AKR1E2: variants seen among roughly 807,000 people sequenced by gnomAD.
AKR1E2 encodes 1,5-anhydro-D-fructose reductase.
A neutral mutation model predicts 41.9 loss-of-function variants in AKR1E2; 43 were observed. That is an observed-to-expected ratio of 1.03 (90% CI 0.80 to 1.32). AKR1E2 has a LOEUF of 1.32. Ranked by LOEUF, AKR1E2 falls within the 40% of genes most tolerant of loss-of-function variation. The pLI is 0.00. For synonymous variants in AKR1E2, 121 were observed against 138.9 expected (o/e 0.87, Z 0.91); for missense variants, 423 against 396.5 (o/e 1.07, Z -0.57).
chr10:4,835,618 G>GC, intron 3 of AKR1E2, 57 bp from the exon 4 acceptor site: 2 of 1,133,268 alleles, frequency 1.8e-6, no homozygotes, highest in Admixed American at 2.4e-5. Context: ...CTGACACATG[G>GC]TTTTTTTTGT....
chr10:4,843,017 A>G (rs1053526071), intron 8 of AKR1E2, among the ~76,000 whole-genome samples: 8 of 152,226 alleles, frequency 5.3e-5, no homozygotes, highest in African/African-American at 1.9e-4. Context: ...AGACTGGAAC[A>G]GGTGGAGCGT....
chr10:4,845,793 A>AG (rs373248445), intron 8 of AKR1E2: 23 of 471,048 alleles, frequency 4.9e-5, no homozygotes, highest in South Asian at 9.3e-5. Flanking sequence ...CTACACACTG[A>AG]GGGGAAATGC....
the AKR1E2 span, among the ~76,000 whole-genome samples, chr10:4,853,909 ACT>A: frequency 1.9e-3 from 282 of 152,108 alleles, 2 homozygotes; most frequent in Non-Finnish European, 3.6e-3. Flanking sequence ...TCAATGCTAC[ACT>A]CCCACCAGCG....
intron 1 of AKR1E2, among the ~76,000 whole-genome samples, chr10:4,826,946 C>T (rs1052492338): frequency 1.2e-4 from 18 of 151,670 alleles, no homozygotes; most frequent in Non-Finnish European, 2.2e-4. Flanking sequence ...CTTGGGGGTG[C>T]GCGCCTGTGG....
In AKR1E2 at chr10:4,835,742, AG is replaced by A. The variant is rs376175229; in HGVS notation, c.394del (p.Asp132ThrfsTer28). The A allele has an allele frequency of 3.4e-4, 544 of 1,614,208 alleles. 2 individuals are homozygous for A. The African/African-American group carries it at 6.4e-3, about 19-fold the overall frequency. ...LSFCLSHPRV[Q>X]DLPLDESNMV... The stretch of plus-strand genomic sequence containing the variant: ...TTCTGCCTCTCACATCCTCGAGTGC[AG>A]GACTTGCCTCTGGACGAGAGCAACA... On this transcript the variant is annotated frameshift_variant, in exon 4 of 10. Coordinates refer to ENST00000298375, the MANE Select transcript of AKR1E2 (RefSeq NM_001040177.3). LOFTEE classifies it high-confidence loss of function.
rs151134642 is a variant in AKR1E2, at chr10:4,842,531, C to T, written c.837+27C>T. 71 of 1,603,790 alleles carry T rather than the reference C, an allele frequency of 4.4e-5. 1 individual carries two copies. In the Middle Eastern group the frequency reaches 6.6e-4, roughly 15 times the overall value. The stretch of plus-strand genomic sequence containing the variant: ...TAGGTGTATTCCTTCTTTTATTTGG[C>T]GGGTTTCAGATCATGTGTTAGATGG... On this transcript the variant is annotated intron_variant, in intron 8 of 9. Transcript: ENST00000298375.
chr10:4,844,393 G>T (rs1588480089), intron 8 of AKR1E2, among the ~76,000 whole-genome samples: 1 of 152,226 alleles, frequency 6.6e-6, no homozygotes, highest in Non-Finnish European at 1.5e-5. Flanking sequence ...GCAGCAGCAA[G>T]ATCTATTGCA....
intron 8 of AKR1E2, chr10:4,846,242 A>C: frequency 2.1e-5 from 4 of 194,980 alleles, no homozygotes; most frequent in East Asian, 1.3e-4. Context: ...CATTGGAATC[A>C]CTCAGTGCAC....
chr10:4,832,597 C>T (rs1227995766), intron 2 of AKR1E2, among the ~76,000 whole-genome samples: 1 of 152,168 alleles, frequency 6.6e-6, no homozygotes, highest in African/African-American at 2.4e-5. Flanking sequence ...ATAAATAAAT[C>T]ACACATATAA....
At chr10:4,870,787 C>G in the AKR1E2 span, among the ~76,000 whole-genome samples, 1 of 151,908 alleles carries the variant, frequency 6.6e-6, no homozygotes. Flanking sequence ...TTGAAGATCA[C>G]TTATCTTCTT....
At chr10:4,868,187 C>T in the AKR1E2 span, among the ~76,000 whole-genome samples, 1 of 152,098 alleles carries the variant, frequency 6.6e-6, no homozygotes, top group Non-Finnish European at 1.5e-5. Flanking sequence ...CTTCTGGGTT[C>T]CTGTTGCTTA....
chr10:4,850,934 A>G (rs1055674225), downstream of AKR1E2, among the ~76,000 whole-genome samples: 2 of 152,190 alleles, frequency 1.3e-5, no homozygotes, highest in African/African-American at 4.8e-5. Context: ...TCACACAGAC[A>G]TCTAATATGC....
At chr10:4,864,398 C>A in the AKR1E2 span, among the ~76,000 whole-genome samples, 10 of 152,070 alleles carry the variant, frequency 6.6e-5, no homozygotes, top group African/African-American at 2.4e-4. Context: ...AGGCCTTTGA[C>A]AAAATTCAAC....
rs568619758 is a variant in AKR1E2 at position 4,827,225 on chromosome 10, C to T, written c.39+862C>T. ...CGCTCTGTGCATTTATGGGGTGCAGCGTAATGTTTTGAGCCGTGTATACAA... is the reference window on the plus strand; with the variant it reads ...CGCTCTGTGCATTTATGGGGTGCAGTGTAATGTTTTGAGCCGTGTATACAA... On this transcript the variant is annotated intron_variant, in intron 1 of 9. Coordinates refer to ENST00000298375, the MANE Select transcript of AKR1E2 (RefSeq NM_001040177.3). Among the ~76,000 whole-genome samples the T allele has an allele frequency of 7.2e-5, 11 of 152,178 alleles. No individual in the cohort carries two copies. The East Asian group carries it at 2.1e-3, about 29-fold the overall frequency.
chr10:4,833,840 T>C (rs1833179020), intron 3 of AKR1E2, among the ~76,000 whole-genome samples: 1 of 152,236 alleles, frequency 6.6e-6, no homozygotes, highest in African/African-American at 2.4e-5. Context: ...TTGCAGGTTC[T>C]GTTCTCTTTG....
chr10:4,860,456 C>A, the AKR1E2 span, among the ~76,000 whole-genome samples: 1 of 152,268 alleles, frequency 6.6e-6, no homozygotes, highest in Non-Finnish European at 1.5e-5. Context: ...CTCTGAGGAA[C>A]CTTTATGACC....
downstream of AKR1E2, among the ~76,000 whole-genome samples, chr10:4,849,310 T>C (rs2167700): frequency 0.22 from 31,071 of 144,092 alleles, 3,337 homozygotes; most frequent in Middle Eastern, 0.35. Flanking sequence ...CTCCTTATCA[T>C]TCATTAGCTG....
the AKR1E2 span, among the ~76,000 whole-genome samples, chr10:4,861,825 T>C: frequency 6.6e-6 from 1 of 152,196 alleles, no homozygotes; most frequent in Non-Finnish European, 1.5e-5. Context: ...AGATTCTGGA[T>C]ATTAGCCCTT....
At chr10:4,862,363 G>A in the AKR1E2 span, among the ~76,000 whole-genome samples, 1 of 152,202 alleles carries the variant, frequency 6.6e-6, no homozygotes, top group Non-Finnish European at 1.5e-5. Context: ...TTCAGGTAGT[G>A]TGATGCCTCC....
Sources: allele counts gnomAD v4.1 joint callset (sites outside exome capture counted in the v4.1 genomes callset), GRCh38; gene constraint gnomAD v4.1.1; transcripts MANE v1.5; gene names NCBI Gene and HGNC (gene_info 2026-07-23, HGNC 2026-07-21).